MRPL35: variants seen among roughly 807,000 people sequenced by gnomAD.
The protein encoded by MRPL35 is mitochondrial ribosomal protein L35, also known as large ribosomal subunit protein bL35m.
Under a neutral mutation model 21.6 loss-of-function variants are expected in MRPL35, and 18 were observed. The observed-to-expected ratio is 0.83, with a 90% confidence interval of 0.58 to 1.24. MRPL35 has a LOEUF of 1.24. Among genes scored for constraint, MRPL35 ranks in the 50% most tolerant of loss-of-function variants. MRPL35 has a pLI of 0.00. For missense variants in MRPL35, 223 were observed against 223.2 expected, an observed-to-expected ratio of 1.00 and a Z score of 0.01; for synonymous variants, 87 against 86.9, an observed-to-expected ratio of 1.00 and a Z score of -0.01.
rs760118260 is a variant in MRPL35, at chr2:86,213,605, C to G, written c.*2937C>G. ...CAGCAGGTTTAAGGGTGGCCCTTCA[C>G]CACCCTGTTGTCACCTGCACAGGCA... On this transcript the variant is annotated 3_prime_UTR_variant, in exon 4 of 4. Coordinates refer to ENST00000337109, the MANE Select transcript of MRPL35 (RefSeq NM_016622.4). 5.2e-6 allele frequency: 8 copies of G among 1,549,974 alleles called. No homozygotes were observed. The highest frequency in any genetic ancestry group is 5.2e-6 in the Non-Finnish European group (6 of 1,146,666).
At chr2:86,209,108 A>G (rs913572627) in intron 3 of MRPL35, among the ~76,000 whole-genome samples, 7 of 152,246 alleles carry the variant, frequency 4.6e-5, no homozygotes, top group South Asian at 2.1e-4. Context: ...TTGGCCTGCA[A>G]ACTATGAAAT....
rs773750137 is a variant in MRPL35 at position 86,210,599 on chromosome 2, G to A, written c.498G>A (p.Trp166Ter). The change falls in exon 4 of 4, where the codon TGG becomes TGA. Residue 166 changes from tryptophan to a stop codon, truncating the protein, a stop_gained. Coordinates refer to ENST00000337109, the MANE Select transcript of MRPL35 (RefSeq NM_016622.4). LOFTEE classifies it high-confidence loss of function. ...TAGATAAAATGACGACGTCCTTCTG[G>A]AAGAGGCGAAACTGGTACGTTGATG... Reference protein sequence around the residue: ...KLLDKMTTSFWKRRNWYVDDP... With the variant: ...KLLDKMTTSF 1.2e-6 allele frequency: 2 copies of A among 1,613,858 alleles called. No homozygotes were observed. The highest frequency in any genetic ancestry group is 1.3e-5 in the African/African-American group (1 of 74,932).
chr2:86,207,258 G>A lies in MRPL35; in HGVS notation c.309G>A (p.Lys103=). 1 of 1,614,114 alleles carries A rather than the reference G, an allele frequency of 6.2e-7. No individual in the cohort carries two copies. Among genetic ancestry groups the A allele is most frequent in the Non-Finnish European group, 8.5e-7 (1 of 1,179,966 alleles). Residue 103 remains lysine (K), a synonymous_variant, in exon 3 of 4, where the codon AAG becomes AAA. Coordinates refer to ENST00000337109, the MANE Select transcript of MRPL35 (RefSeq NM_016622.4). ...SLTYFSARKG[K]RKTVKAVIDR... ...CATACTTCAGTGCAAGAAAAGGCAA[G>A]AGAAAGACCGTGAAAGCTGTCATCG...
intron 3 of MRPL35, among the ~76,000 whole-genome samples, chr2:86,208,303 GTT>G (rs796254230): frequency 7.0e-6 from 1 of 143,076 alleles, no homozygotes; most frequent in African/African-American, 2.5e-5. Flanking sequence ...GTGTGTATGT[GTT>G]TTTTTTTTTT....
At position 86,211,752 on chromosome 2, in the gene MRPL35, C is replaced by T. The variant is rs777254599; in HGVS notation, c.*1084C>T. 38 of 982,954 alleles carry T rather than the reference C, an allele frequency of 3.9e-5. No individual in the cohort carries two copies. Among genetic ancestry groups the T allele is most frequent in the South Asian group, 9.4e-5 (2 of 21,228 alleles). The allele number at this position is 982,954 out of a possible 1,614,324, so 60.9% of individuals were successfully genotyped here. On this transcript the variant is annotated 3_prime_UTR_variant, in exon 4 of 4. Transcript: ENST00000337109. ...GTGCAATCATAGCTCATTGAAGCCT[C>T]GCACTCCTGGGCTCAAGTGGTCCTC...
chr2:86,208,317 C>CT (rs940866474), intron 3 of MRPL35, among the ~76,000 whole-genome samples: 1 of 137,870 alleles, frequency 7.3e-6, no homozygotes, highest in Admixed American at 7.2e-5. Context: ...TTTTTTTTTT[C>CT]TTTTTTTGAG....
chr2:86,209,711 C>T (rs1051962327), intron 3 of MRPL35, among the ~76,000 whole-genome samples: 8 of 152,196 alleles, frequency 5.3e-5, no homozygotes, highest in African/African-American at 1.9e-4. Context: ...TGCTTCTCAG[C>T]TCTTGTAATA....
chr2:86,206,189 A>G lies in MRPL35; in HGVS notation c.127A>G (p.Thr43Ala), dbSNP rs752900249. 5.6e-6 allele frequency: 9 copies of G among 1,613,872 alleles called. No individual in the cohort carries two copies. Among genetic ancestry groups the G allele is most frequent in the African/African-American group, 1.3e-5 (1 of 75,032 alleles). ...KNASLISALS[T>A]GRFSHIQTPV... is the part of the protein sequence containing the mutation. ...TGCCTCTCTTATTTCTGCATTGTCC[A>G]CTGGACGTTTTAGTCATATTCAGAC... Residue 43 changes from threonine (T) to alanine (A), a missense_variant, in exon 2 of 4, where the codon ACT becomes GCT. Physicochemically the swap from Thr to Ala is moderately conservative, Grantham distance 58 (BLOSUM62 0). Transcript: ENST00000337109.
Position 86,212,892 on chromosome 2 carries a change from GTTTA to G in MRPL35, c.*2227_*2230del. The G allele has an allele frequency of 1.2e-6, 1 of 842,068 alleles. No individual in the cohort carries two copies. Among genetic ancestry groups the G allele is most frequent in the Non-Finnish European group, 1.4e-6 (1 of 699,072 alleles). 52.2% of individuals were successfully genotyped at this position (842,068 alleles called of 1,614,324 possible). A position where few individuals can be genotyped will look rare whatever the true frequency, so the allele number is the denominator to read the frequency against. On this transcript the variant is annotated 3_prime_UTR_variant, in exon 4 of 4. Transcript: ENST00000337109. The stretch of plus-strand genomic sequence containing the variant: ...TTTATAAAATATTTATGTATAGTTT[GTTTA>G]TTCAGGTATATGTATAATTTATTGA...
Position 86,212,821 on chromosome 2 carries a change from CTTTCA to C in MRPL35, c.*2156_*2160del. 1 of 1,011,786 alleles carries C rather than the reference CTTTCA, an allele frequency of 9.9e-7. No homozygotes were observed. The highest frequency in any genetic ancestry group is 1.2e-6 in the Non-Finnish European group (1 of 846,568). The allele number at this position is 1,011,786 out of a possible 1,614,324, so 62.7% of individuals were successfully genotyped here. The stretch of plus-strand genomic sequence containing the variant: ...GATTTTATAATCTGACAATAAATGT[CTTTCA>C]TTAAAGAGTTTACCTAAATGATGTT... On this transcript the variant is annotated 3_prime_UTR_variant, in exon 4 of 4. Coordinates refer to ENST00000337109, the MANE Select transcript of MRPL35 (RefSeq NM_016622.4).
chr2:86,209,384 G>C (rs557289944), intron 3 of MRPL35, among the ~76,000 whole-genome samples: 2 of 152,322 alleles, frequency 1.3e-5, no homozygotes, highest in South Asian at 4.1e-4. Flanking sequence ...GGACCCAAGG[G>C]CTCACCGTGT....
intron 3 of MRPL35, 70 bp downstream of exon 3, chr2:86,207,397 T>A: frequency 6.6e-7 from 1 of 1,517,242 alleles, no homozygotes; most frequent in East Asian, 2.4e-5. Flanking sequence ...ACGCCTATAA[T>A]CCCAGCACTT....
Position 86,205,355 on chromosome 2 carries a change from G to A in MRPL35, c.44-751G>A, listed in dbSNP as rs189023049. ...AGGTTACTGTTCATTAAGTGGAAGTGGATCATCATAAAGGTCTTCATCATC... is the reference window on the plus strand; with the variant it reads ...AGGTTACTGTTCATTAAGTGGAAGTAGATCATCATAAAGGTCTTCATCATC... On this transcript the variant is annotated intron_variant, in intron 1 of 3. Transcript: ENST00000337109. Among the ~76,000 whole-genome samples, 300 of 152,252 alleles carry A rather than the reference G, an allele frequency of 2.0e-3. 1 individual carries two copies. Among genetic ancestry groups the A allele is most frequent in the Non-Finnish European group, 3.4e-3 (233 of 68,020 alleles).
In MRPL35 at chr2:86,211,055, C is replaced by T; in HGVS notation, c.*387C>T. ...TCAGGAACCACCTCACCAACCCCAT[C>T]TCCCACTCAGAAATCACCTCCCAGC... is the stretch of plus-strand genomic sequence containing the variant. On this transcript the variant is annotated 3_prime_UTR_variant, in exon 4 of 4. Transcript: ENST00000337109. The T allele has an allele frequency of 4.0e-6, 4 of 988,900 alleles. No homozygotes were observed. Among genetic ancestry groups the T allele is most frequent in the Non-Finnish European group, 4.8e-6 (4 of 832,256 alleles). The allele number at this position is 988,900 out of a possible 1,614,324, so 61.3% of individuals were successfully genotyped here.
At chr2:86,201,164 A>T (rs1673677619) in intron 1 of MRPL35, among the ~76,000 whole-genome samples, 1 of 152,178 alleles carries the variant, frequency 6.6e-6, no homozygotes, top group South Asian at 2.1e-4. Context: ...CAAACTGTTG[A>T]GGCCCCACAT....
Position 86,207,306 on chromosome 2 carries a change from T to C in MRPL35, c.357T>C (p.Cys119=). ...AVIDRFLRLH[C]GLWVRRKAGY... is the part of the protein sequence containing the mutation. Reference sequence around the variant, plus strand: ...TCGATAGGTTTCTTCGACTTCATTGTGGCCTTTGGGTGAGGAGAAAGGTGA... The same window carrying C: ...TCGATAGGTTTCTTCGACTTCATTGCGGCCTTTGGGTGAGGAGAAAGGTGA... The change falls in exon 3 of 4, where the codon TGT becomes TGC. Residue 119 remains cysteine (C), a synonymous_variant. Transcript: ENST00000337109. 1 of 1,613,630 alleles carries C rather than the reference T, an allele frequency of 6.2e-7. No homozygotes were observed. Among genetic ancestry groups the C allele is most frequent in the South Asian group, 1.1e-5 (1 of 90,996 alleles).
At chr2:86,207,375 G>A (rs1432757687) in intron 3 of MRPL35, 48 bp downstream of exon 3, 1 of 1,584,164 alleles carries the variant, frequency 6.3e-7, no homozygotes. Context: ...GTGAGGCCGG[G>A]CGTGGTGGCT....
chr2:86,206,797 A>T (rs547161344), intron 2 of MRPL35, among the ~76,000 whole-genome samples: 2 of 152,182 alleles, frequency 1.3e-5, no homozygotes, highest in African/African-American at 4.8e-5. Context: ...GATGGGCTGC[A>T]TGTGTTGGTC....
intron 3 of MRPL35, among the ~76,000 whole-genome samples, chr2:86,208,301 G>A (rs1420888378): frequency 1.3e-5 from 2 of 150,816 alleles, no homozygotes; most frequent in Non-Finnish European, 1.5e-5. Flanking sequence ...TTGTGTGTAT[G>A]TGTTTTTTTT....
Sources: gnomAD v4.1 joint callset for allele counts (sites outside exome capture counted in the v4.1 genomes callset) on GRCh38, gnomAD v4.1.1 for gene constraint, MANE v1.5 for transcripts, NCBI Gene and HGNC (gene_info 2026-07-23, HGNC 2026-07-21) for gene names.